Variants in CDC40 observed in about 807,000 individuals in gnomAD.
The protein encoded by CDC40 is cell division cycle 40, also known as pre-mRNA-processing factor 17.
In CDC40, 27 loss-of-function variants were observed where a neutral mutation model predicts 80.6. That is an observed-to-expected ratio of 0.33 (90% CI 0.25 to 0.46). CDC40 has a LOEUF of 0.46. CDC40 is among the 20% of genes least tolerant of loss of function. The pLI, the probability that CDC40 is intolerant of heterozygous loss-of-function variation, is 1.00. For synonymous variants in CDC40, 221 were observed against 232.6 expected (o/e 0.95, Z 0.45); for missense variants, 486 against 694.1 (o/e 0.70, Z 3.37).
At chr6:110,185,241 CTTTTTTTTT>C (rs1227694611) in intron 1 of CDC40, among the ~76,000 whole-genome samples, 3 of 124,032 alleles carry the variant, frequency 2.4e-5, no homozygotes, top group East Asian at 2.3e-4. Flanking sequence ...ATCTTTTTTT[CTTTTTTTTT>C]TTTTTTTTTG....
intron 12 of CDC40, among the ~76,000 whole-genome samples, chr6:110,223,371 C>A (rs926981567): frequency 6.6e-6 from 1 of 152,072 alleles, no homozygotes; most frequent in Non-Finnish European, 1.5e-5. Flanking sequence ...AATGAGGGGA[C>A]TGGTAAGGAG....
intron 3 of CDC40, among the ~76,000 whole-genome samples, chr6:110,204,220 G>C (rs1372172248): frequency 1.3e-5 from 2 of 152,036 alleles, no homozygotes; most frequent in Non-Finnish European, 2.9e-5. Context: ...CACCATGTTA[G>C]CCAGGATGGT....
chr6:110,219,612 A>G, intron 11 of CDC40, 124 bp from the exon 12 acceptor site: 1 of 1,262,662 alleles, frequency 7.9e-7, no homozygotes, highest in Non-Finnish European at 1.1e-6. Context: ...CATTCTTAGC[A>G]GAAAAATTTA....
rs1272150604 is a variant in CDC40 at position 110,180,549 on chromosome 6, C to T, written c.105C>T (p.Asp35=). ...GTCGGTGTCCGCTGCCAGCCGCCGA[C>T]TCCCTCATGCACTTGACTAAATCGC... The part of the protein sequence containing the change: ...ESSRCPLPAA[D]SLMHLTKSPS... The change falls in exon 1 of 15, where the codon GAC becomes GAT. Residue 35 remains aspartate, a synonymous_variant. Transcript: ENST00000307731. 6.2e-7 allele frequency: 1 copy of T among 1,614,096 alleles called. No homozygotes were observed. The highest frequency in any genetic ancestry group is 8.5e-7 in the Non-Finnish European group (1 of 1,180,038).
intron 8 of CDC40, among the ~76,000 whole-genome samples, chr6:110,213,610 TATAA>T (rs1777665020): frequency 6.6e-6 from 1 of 152,188 alleles, no homozygotes; most frequent in Admixed American, 6.5e-5. Context: ...GCTTTGGACA[TATAA>T]ATATTTAATC....
At chr6:110,223,275 G>T (rs918462367) in intron 12 of CDC40, among the ~76,000 whole-genome samples, 22 of 152,114 alleles carry the variant, frequency 1.4e-4, no homozygotes, top group Admixed American at 1.4e-3. Context: ...TGTAAGAATA[G>T]GGTCTCACTC....
intron 6 of CDC40, 70 bp downstream of exon 6, chr6:110,210,873 A>G (rs557267334): frequency 3.0e-6 from 2 of 658,016 alleles, no homozygotes; most frequent in South Asian, 5.3e-5. Context: ...CTGTTCATAC[A>G]ATATCAATTA....
intron 3 of CDC40, among the ~76,000 whole-genome samples, chr6:110,202,203 C>T (rs1049288099): frequency 1.3e-4 from 19 of 151,944 alleles, no homozygotes; most frequent in African/African-American, 3.1e-4. Context: ...ATTTAATGTG[C>T]GTGGAAACTG....
At chr6:110,222,953 T>C (rs1308234674) in intron 12 of CDC40, among the ~76,000 whole-genome samples, 1 of 152,250 alleles carries the variant, frequency 6.6e-6, no homozygotes, top group East Asian at 1.9e-4. Context: ...AGCAATCTTA[T>C]AAGATAGGTA....
At chr6:110,222,054 G>A (rs1194817715) in intron 12 of CDC40, among the ~76,000 whole-genome samples, 1 of 151,786 alleles carries the variant, frequency 6.6e-6, no homozygotes, top group Non-Finnish European at 1.5e-5. Flanking sequence ...CCAGGAGTTT[G>A]AGACCAGCCT....
intron 2 of CDC40, among the ~76,000 whole-genome samples, chr6:110,194,208 T>C (rs1254713603): frequency 2.0e-5 from 3 of 152,194 alleles, no homozygotes; most frequent in Non-Finnish European, 4.4e-5. Context: ...GAATGCTTGA[T>C]TGATGAAATA....
At chr6:110,195,898 T>G (rs956939597) in intron 2 of CDC40, among the ~76,000 whole-genome samples, 2 of 152,182 alleles carry the variant, frequency 1.3e-5, no homozygotes, top group African/African-American at 4.8e-5. Context: ...CAATGATAAA[T>G]AGATTTGTGA....
intron 12 of CDC40, among the ~76,000 whole-genome samples, chr6:110,220,770 A>G (rs575679844): frequency 1.3e-5 from 2 of 152,304 alleles, no homozygotes; most frequent in Admixed American, 1.3e-4. Context: ...ACATGGCGGC[A>G]GCAAGAGAGG....
chr6:110,208,625 A>G (rs768007147), intron 4 of CDC40, among the ~76,000 whole-genome samples: 5 of 152,300 alleles, frequency 3.3e-5, no homozygotes, highest in South Asian at 2.1e-4. Flanking sequence ...AAGTACTTAC[A>G]GTAATTTAGT....
intron 2 of CDC40, among the ~76,000 whole-genome samples, chr6:110,195,432 A>G (rs1356895284): frequency 6.6e-6 from 1 of 152,190 alleles, no homozygotes; most frequent in Admixed American, 6.5e-5. Context: ...AAATTCCCTG[A>G]AAGAAGTAAT....
In CDC40 at chr6:110,180,461, C is replaced by A; in HGVS notation, c.17C>A (p.Ala6Glu). 6.2e-7 allele frequency: 1 copy of A among 1,614,176 alleles called. No individual in the cohort carries two copies. Among genetic ancestry groups the A allele is most frequent in the Admixed American group, 1.7e-5 (1 of 60,030 alleles). Residue 6 changes from alanine to glutamate, a missense_variant, in exon 1 of 15, where the codon GCA becomes GAA. Physicochemically the swap from Ala to Glu is moderately radical, Grantham distance 107 (BLOSUM62 -1). Around this residue, in one of 3 missense-constraint regions of CDC40, gnomAD observed 381 missense variants for 492.1 expected, o/e 0.77. Coordinates refer to ENST00000307731, the MANE Select transcript of CDC40 (RefSeq NM_015891.3). MSAAI[A>E]ALAASYGSGS... ...GTTGCCGTCATGTCGGCTGCGATTG[C>A]AGCTCTGGCCGCTTCCTATGGTTCG...
At chr6:110,223,801 GGTTTTGTTTTGTTTT>G (rs59654476) in intron 12 of CDC40, among the ~76,000 whole-genome samples, 63 of 143,356 alleles carry the variant, frequency 4.4e-4, no homozygotes, top group Admixed American at 9.1e-4. Flanking sequence ...CAACTTGTAG[GGTTTTGTTTTGTTTT>G]GTTTTGTTTT....
chr6:110,184,015 C>A (rs1777233308), intron 1 of CDC40, among the ~76,000 whole-genome samples: 1 of 152,100 alleles, frequency 6.6e-6, no homozygotes, highest in Non-Finnish European at 1.5e-5. Context: ...GTAGTCTGTG[C>A]TTGTCAAATT....
chr6:110,201,668 G>A lies in CDC40; in HGVS notation c.387G>A (p.Arg129=). 1 of 1,613,464 alleles carries A rather than the reference G, an allele frequency of 6.2e-7. No individual in the cohort carries two copies. Among genetic ancestry groups the A allele is most frequent in the South Asian group, 1.1e-5 (1 of 90,976 alleles). ...HINDFMFEQQ[R]RTFATYGYAL... ...ATGATTTCATGTTTGAGCAGCAAAGGAGAACTTTTGCAACATATGGTAAGG... is the reference window on the plus strand; with the variant it reads ...ATGATTTCATGTTTGAGCAGCAAAGAAGAACTTTTGCAACATATGGTAAGG... The change falls in exon 3 of 15, where the codon AGG becomes AGA. Residue 129 remains arginine, a synonymous_variant. Coordinates refer to ENST00000307731, the MANE Select transcript of CDC40 (RefSeq NM_015891.3).
Sources: gnomAD v4.1 joint callset for allele counts (sites outside exome capture counted in the v4.1 genomes callset) on GRCh38, gnomAD v4.1.1 for gene constraint, gnomAD v4.1.1 regional missense constraint, MANE v1.5 for transcripts, NCBI Gene and HGNC (gene_info 2026-07-23, HGNC 2026-07-21) for gene names.